XPR1: variants seen among roughly 807,000 people sequenced by gnomAD.
XPR1 encodes xenotropic and polytropic retrovirus receptor 1, also known as solute carrier family 53 member 1.
In XPR1, 28 loss-of-function variants were observed where a neutral mutation model predicts 87.5. The ratio of observed to expected loss-of-function variants is 0.32; its 90% CI spans 0.24 to 0.44. The LOEUF is 0.44. Ranked by LOEUF, XPR1 falls within the 20% of genes least tolerant of loss-of-function variation. XPR1 has a pLI of 1.00. For synonymous variants in XPR1, 300 were observed against 306.1 expected, an observed-to-expected ratio of 0.98 and a Z score of 0.21; for missense variants, 559 against 862.3, an observed-to-expected ratio of 0.65 and a Z score of 4.41.
intron 2 of XPR1, among the ~76,000 whole-genome samples, chr1:180,764,695 C>T (rs1324940869): frequency 6.6e-6 from 1 of 151,936 alleles, no homozygotes; most frequent in Non-Finnish European, 1.5e-5. Flanking sequence ...GTCTTAAACT[C>T]CTGAGCTCAA....
At chr1:180,798,303 GTATCT>G (rs1649661228) in intron 3 of XPR1, among the ~76,000 whole-genome samples, 1 of 151,882 alleles carries the variant, frequency 6.6e-6, no homozygotes, top group African/African-American at 2.4e-5. Context: ...ACGGAAGTTA[GTATCT>G]TAATAGATCA....
At chr1:180,720,970 C>T (rs1226146471) in intron 2 of XPR1, among the ~76,000 whole-genome samples, 1 of 152,112 alleles carries the variant, frequency 6.6e-6, no homozygotes, top group African/African-American at 2.4e-5. Context: ...CGTGGTGACT[C>T]ATGCCTGTAA....
chr1:180,835,133 G>A, intron 10 of XPR1, 88 bp downstream of exon 10: 1 of 1,380,558 alleles, frequency 7.2e-7, no homozygotes, highest in Non-Finnish European at 9.8e-7. Flanking sequence ...TTAAGGTCAT[G>A]ATGAAAACTT....
At chr1:180,783,209 G>A (rs1558006200) in intron 2 of XPR1, among the ~76,000 whole-genome samples, 1 of 151,944 alleles carries the variant, frequency 6.6e-6, no homozygotes. Context: ...AGCCATGAAT[G>A]TGCCACTGCA....
At chr1:180,686,000 G>A (rs1172962616) in intron 2 of XPR1, among the ~76,000 whole-genome samples, 4 of 151,982 alleles carry the variant, frequency 2.6e-5, no homozygotes, top group African/African-American at 9.7e-5. Context: ...GTTCTGCTCT[G>A]ATCTTAGTTA....
At chr1:180,773,866 A>G (rs1001544864) in intron 2 of XPR1, among the ~76,000 whole-genome samples, 17 of 152,204 alleles carry the variant, frequency 1.1e-4, no homozygotes, top group African/African-American at 4.1e-4. Flanking sequence ...AGGTTTATTA[A>G]TCGAATAGAA....
chr1:180,718,247 G>A (rs1658063768), intron 2 of XPR1, among the ~76,000 whole-genome samples: 1 of 152,142 alleles, frequency 6.6e-6, no homozygotes. Flanking sequence ...ATGGGAATGG[G>A]TTTGAAAATT....
chr1:180,769,372 G>GT (rs1249501150), intron 2 of XPR1, among the ~76,000 whole-genome samples: 2,094 of 134,390 alleles, frequency 0.016, 68 homozygotes, highest in African/African-American at 0.048. Context: ...GTTTTTTTGT[G>GT]TTTTTTTTTT....
chr1:180,760,016 A>G (rs1291163360), intron 2 of XPR1, among the ~76,000 whole-genome samples: 3 of 152,208 alleles, frequency 2.0e-5, no homozygotes, highest in Admixed American at 6.5e-5. Context: ...CAAAAATCAC[A>G]TGATTATCTC....
At chr1:180,731,306 T>C (rs568898185) in intron 2 of XPR1, among the ~76,000 whole-genome samples, 2 of 152,294 alleles carry the variant, frequency 1.3e-5, no homozygotes, top group South Asian at 4.1e-4. Flanking sequence ...AAAGTATTGC[T>C]AAGGAAGAAG....
At chr1:180,647,395 G>C (rs1655152828) in intron 1 of XPR1, among the ~76,000 whole-genome samples, 1 of 152,190 alleles carries the variant, frequency 6.6e-6, no homozygotes, top group African/African-American at 2.4e-5. Context: ...AAGGCAATAG[G>C]AATTTTTCAG....
At chr1:180,832,970 A>G (rs1651125933) in intron 9 of XPR1, among the ~76,000 whole-genome samples, 1 of 152,184 alleles carries the variant, frequency 6.6e-6, no homozygotes, top group South Asian at 2.1e-4. Context: ...CATTTTCACA[A>G]TATTGATTCT....
At chr1:180,686,214 A>G (rs1268708727) in intron 2 of XPR1, among the ~76,000 whole-genome samples, 4 of 152,134 alleles carry the variant, frequency 2.6e-5, no homozygotes, top group Non-Finnish European at 4.4e-5. Context: ...TTCAAAGAAC[A>G]TCTTTATTTC....
intron 2 of XPR1, among the ~76,000 whole-genome samples, chr1:180,696,208 G>GTGTGTGTGTATA (rs1241189679): frequency 2.3e-5 from 2 of 88,566 alleles, no homozygotes; most frequent in South Asian, 4.8e-4. Flanking sequence ...GTGTGTGTGT[G>GTGTGTGTGTATA]TATATATATA....
rs1350474080 is a variant in XPR1, at chr1:180,731,668, T to G, written c.121+49257T>G. 2.6e-5 allele frequency among the ~76,000 whole-genome samples: 4 copies of G among 152,196 alleles called. No individual in the cohort carries two copies. In the South Asian group the frequency reaches 8.3e-4, roughly 32 times the overall value. On this transcript the variant is annotated intron_variant, in intron 2 of 14. Transcript: ENST00000367590. ...AGGTGAAATTAAATTTAATACTATTTTATTTAACTCATATCCAAAGTATGA... is the reference window on the plus strand; with the variant it reads ...AGGTGAAATTAAATTTAATACTATTGTATTTAACTCATATCCAAAGTATGA...
intron 1 of XPR1, among the ~76,000 whole-genome samples, chr1:180,656,443 A>AATATTTATACATTATATAT (rs1553232986): frequency 0.11 from 614 of 5,396 alleles, 143 homozygotes; most frequent in African/African-American, 0.22. Flanking sequence ...ATTTATATAT[A>AATATTTATACATTATATAT]AATATTTATA....
intron 9 of XPR1, among the ~76,000 whole-genome samples, chr1:180,833,799 A>G (rs1394588754): frequency 6.6e-6 from 1 of 152,252 alleles, no homozygotes; most frequent in Non-Finnish European, 1.5e-5. Context: ...AAAACAGTAC[A>G]GTCTTTAATC....
chr1:180,856,016 T>G (rs1412447058), intron 11 of XPR1, among the ~76,000 whole-genome samples: 1 of 152,156 alleles, frequency 6.6e-6, no homozygotes, highest in Non-Finnish European at 1.5e-5. Flanking sequence ...CCTTCTAGCC[T>G]ATGTACATGC....
chr1:180,724,923 G>A (rs1658285979), intron 2 of XPR1, among the ~76,000 whole-genome samples: 1 of 152,148 alleles, frequency 6.6e-6, no homozygotes, highest in Non-Finnish European at 1.5e-5. Context: ...ATTCTAAGAA[G>A]TGCTGCAATT....
Sources: allele counts gnomAD v4.1 joint callset (sites outside exome capture counted in the v4.1 genomes callset), GRCh38; gene constraint gnomAD v4.1.1; transcripts MANE v1.5; gene names NCBI Gene and HGNC (gene_info 2026-07-23, HGNC 2026-07-21).